CCDC34: variants seen among roughly 807,000 people sequenced by gnomAD.
CCDC34 encodes the protein coiled-coil domain-containing protein 34.
Under a neutral mutation model 44.1 loss-of-function variants are expected in CCDC34, and 40 were observed. That is an observed-to-expected ratio of 0.91 (90% CI 0.70 to 1.18). The LOEUF is 1.18. Among genes scored for constraint, CCDC34 ranks in the 50% most tolerant of loss-of-function variants. CCDC34 has a pLI of 0.00. For missense variants in CCDC34, 466 were observed against 452.3 expected (o/e 1.03, Z -0.28); for synonymous variants, 159 against 158.2 (o/e 1.01, Z -0.04).
chr11:27,355,978 A>G (rs1862568957), intron 2 of CCDC34, among the ~76,000 whole-genome samples: 1 of 150,510 alleles, frequency 6.6e-6, no homozygotes, highest in African/African-American at 2.4e-5. Context: ...AAGTTATTCT[A>G]AGGAAGATCA....
Position 27,348,245 on chromosome 11 carries a change from G to C in CCDC34, c.606+2087C>G, listed in dbSNP as rs1261704845. Reference sequence around the variant, plus strand: ...CACAGTAAAAGCTGAGTAAATATTTGTTGAAAGCATGAATAATGCAATGAT... The same window carrying C: ...CACAGTAAAAGCTGAGTAAATATTTCTTGAAAGCATGAATAATGCAATGAT... On this transcript the variant is annotated intron_variant, in intron 3 of 5. Transcript: ENST00000328697. Among the ~76,000 whole-genome samples the C allele has an allele frequency of 3.9e-5, 6 of 152,170 alleles. 1 individual carries two copies. The highest frequency in any genetic ancestry group is 3.9e-4 in the Admixed American group (6 of 15,276).
At position 27,363,031 on chromosome 11, in the gene CCDC34, A is replaced by G. The variant is rs1862694068; in HGVS notation, c.164T>C (p.Leu55Pro). ...GGTGGAATTGCTGCAGCTCAGCGGC[A>G]GCGGCGGCGACGGCGAGCGCACCAC... ...LEVVRSPSPP[L>P]PLSCSNSTRS... The change falls in exon 1 of 6, where the codon CTG (leucine) becomes CCG (proline). Residue 55 changes from leucine to proline, a missense_variant. Physicochemically the swap from Leu to Pro is moderately conservative, Grantham distance 98 (BLOSUM62 -3). Transcript: ENST00000328697. The G allele has an allele frequency of 1.2e-6, 2 of 1,614,018 alleles. No homozygotes were observed. Among genetic ancestry groups the G allele is most frequent in the Admixed American group, 3.3e-5 (2 of 60,012 alleles).
rs1054448076 is a variant in CCDC34, at chr11:27,341,695, T to C, written c.607-145A>G. On this transcript the variant is annotated intron_variant, in intron 3 of 5. Transcript: ENST00000328697. ...ATGGCAGTTGGCACAACATGGTTTATGAAAATATATAACATACCTGCAATT... is the reference window on the plus strand; with the variant it reads ...ATGGCAGTTGGCACAACATGGTTTACGAAAATATATAACATACCTGCAATT... 42 of 507,738 alleles carry C rather than the reference T, an allele frequency of 8.3e-5. No homozygotes were observed. In the East Asian group the frequency reaches 1.3e-3, roughly 16 times the overall value. 31.5% of individuals were successfully genotyped at this position (507,738 alleles called of 1,614,324 possible). A position where few individuals can be genotyped will look rare whatever the true frequency, so the allele number is the denominator to read the frequency against.
intron 2 of CCDC34, among the ~76,000 whole-genome samples, chr11:27,353,143 T>C (rs758673336): frequency 5.3e-5 from 8 of 152,202 alleles, no homozygotes; most frequent in Non-Finnish European, 1.2e-4. Context: ...AAACATGCAT[T>C]TTTATTTTAA....
intron 4 of CCDC34, 107 bp from the exon 5 acceptor site, chr11:27,340,944 T>C (rs1862348836): frequency 2.1e-6 from 2 of 931,946 alleles, no homozygotes; most frequent in South Asian, 1.7e-5. Context: ...CCCAATGGCT[T>C]ACTGGCCATA....
intron 1 of CCDC34, 125 bp from the exon 2 acceptor site, chr11:27,357,666 T>C: frequency 1.3e-6 from 1 of 754,182 alleles, no homozygotes; most frequent in Admixed American, 2.8e-5. Context: ...TTTTTACAAA[T>C]ATACAGGAAT....
At chr11:27,361,256 C>CGT (rs1862659449) in intron 1 of CCDC34, among the ~76,000 whole-genome samples, 1 of 152,192 alleles carries the variant, frequency 6.6e-6, no homozygotes, top group Admixed American at 6.5e-5. Flanking sequence ...GTGAGACGTA[C>CGT]ATACGTTCAC....
rs751419821 is a variant in CCDC34, at chr11:27,350,449, T to C, written c.499-10A>G. 17 of 1,584,642 alleles carry C rather than the reference T, an allele frequency of 1.1e-5. No homozygotes were observed. The highest frequency in any genetic ancestry group is 1.4e-5 in the Non-Finnish European group (16 of 1,162,860). On this transcript the variant is annotated splice_polypyrimidine_tract_variant and intron_variant, in intron 2 of 5. Transcript: ENST00000328697. ...GTTGTTGATTTAATTCCTGTGGATT[T>C]TATTTAGACAAAAGGCAACATTTAA...
Position 27,362,863 on chromosome 11 carries a change from C to T in CCDC34, c.332G>A (p.Arg111Lys). ...GGCGCACCCCTGTAACTCCATTCCT[C>T]TCAGGCTCGCCACTTTGGCCTCTGA... ...HDSEAKVASL[R>K]GMELQGCAST... Residue 111 changes from arginine to lysine, a missense_variant, in exon 1 of 6, where the codon AGA becomes AAA. By Grantham distance (26) the Arg-to-Lys change is conservative. Transcript: ENST00000328697. 1 of 1,614,172 alleles carries T rather than the reference C, an allele frequency of 6.2e-7. No individual in the cohort carries two copies. The highest frequency in any genetic ancestry group is 8.5e-7 in the Non-Finnish European group (1 of 1,180,018).
intron 3 of CCDC34, 26 bp from the exon 4 acceptor site, chr11:27,341,576 A>G: frequency 9.6e-7 from 1 of 1,045,322 alleles, no homozygotes; most frequent in Non-Finnish European, 1.3e-6. Context: ...ATAAAGTTTA[A>G]TTGTAATACC....
At chr11:27,361,177 G>C (rs1263706496) in intron 1 of CCDC34, among the ~76,000 whole-genome samples, 2 of 152,078 alleles carry the variant, frequency 1.3e-5, no homozygotes, top group African/African-American at 4.8e-5. Context: ...TGATTCATAG[G>C]GACTGAAATG....
intron 3 of CCDC34, among the ~76,000 whole-genome samples, chr11:27,342,756 C>T (rs1862379499): frequency 6.6e-6 from 1 of 152,072 alleles, no homozygotes; most frequent in Non-Finnish European, 1.5e-5. Flanking sequence ...CATTAACTGG[C>T]CCTTTATAGA....
chr11:27,342,786 G>A (rs1458279266), intron 3 of CCDC34, among the ~76,000 whole-genome samples: 1 of 152,060 alleles, frequency 6.6e-6, no homozygotes, highest in Non-Finnish European at 1.5e-5. Flanking sequence ...ATTGATCCTT[G>A]ACACAGACTA....
At chr11:27,349,314 A>T (rs1421547818) in intron 3 of CCDC34, 2 of 910,148 alleles carry the variant, frequency 2.2e-6, no homozygotes, top group Non-Finnish European at 2.6e-6. Context: ...AAACTTTTTT[A>T]AAAAAACAAA....
chr11:27,363,034 G>GGCA lies in CCDC34; in HGVS notation c.160_161insTGC (p.Pro53_Pro54insLeu). On this transcript the variant is annotated inframe_insertion, in exon 1 of 6. Coordinates refer to ENST00000328697, the MANE Select transcript of CCDC34 (RefSeq NM_030771.2). Reference sequence around the variant, plus strand: ...GGAATTGCTGCAGCTCAGCGGCAGCGGCGGCGACGGCGAGCGCACCACCTC... The same window carrying GGCA: ...GGAATTGCTGCAGCTCAGCGGCAGCGGCAGCGGCGACGGCGAGCGCACCACCTC... 1.2e-6 allele frequency: 2 copies of GGCA among 1,614,062 alleles called. No homozygotes were observed. Among genetic ancestry groups the GGCA allele is most frequent in the Non-Finnish European group, 1.7e-6 (2 of 1,180,000 alleles).
intron 5 of CCDC34, among the ~76,000 whole-genome samples, chr11:27,339,909 C>T (rs1473956939): frequency 6.6e-6 from 1 of 151,458 alleles, no homozygotes; most frequent in Non-Finnish European, 1.5e-5. Context: ...AAAGCCACTG[C>T]TTATTACTCT....
chr11:27,352,305 C>T (rs1347918319), intron 2 of CCDC34, among the ~76,000 whole-genome samples: 3 of 151,758 alleles, frequency 2.0e-5, no homozygotes, highest in African/African-American at 7.3e-5. Context: ...CTCGCCTGAA[C>T]CTGGGAGGCA....
intron 3 of CCDC34, among the ~76,000 whole-genome samples, chr11:27,348,352 AC>A (rs1485725159): frequency 3.3e-5 from 5 of 152,206 alleles, no homozygotes; most frequent in African/African-American, 1.2e-4. Context: ...AGAACGAAAA[AC>A]GATTTTATTT....
Position 27,341,475 on chromosome 11 carries a change from A to T in CCDC34, c.682T>A (p.Leu228Met). 6.9e-7 allele frequency: 1 copy of T among 1,453,402 alleles called. No individual in the cohort carries two copies. Among genetic ancestry groups the T allele is most frequent in the Non-Finnish European group, 9.3e-7 (1 of 1,073,328 alleles). 90.0% of individuals were successfully genotyped at this position (1,453,402 alleles called of 1,614,324 possible). Residue 228 changes from leucine (L) to methionine (M), a missense_variant, in exon 4 of 6, where the codon TTG becomes ATG. By Grantham distance (15) the Leu-to-Met change is conservative (BLOSUM62 2). Coordinates refer to ENST00000328697, the MANE Select transcript of CCDC34 (RefSeq NM_030771.2). ...TATTTTTCTTTTGCTTTTTCTTGCA[A>T]GTATTCTTTCTCCAGTTCCTTTGCT... The part of the protein sequence containing the change: ...KAAKELEKEY[L>M]QEKAKEKYQE...
Sources: gnomAD v4.1 joint callset for allele counts (sites outside exome capture counted in the v4.1 genomes callset) on GRCh38, gnomAD v4.1.1 for gene constraint, MANE v1.5 for transcripts, NCBI Gene and HGNC (gene_info 2026-07-23, HGNC 2026-07-21) for gene names.